Variants in EPS15L1 observed in about 807,000 individuals in gnomAD.
The protein encoded by EPS15L1 is epidermal growth factor receptor substrate 15-like 1.
A neutral mutation model predicts 117.1 loss-of-function variants in EPS15L1; 43 were observed. The observed-to-expected ratio is 0.37, with a 90% CI of 0.29 to 0.47. The LOEUF is 0.47. Ranked by LOEUF, EPS15L1 falls within the 20% of genes least tolerant of loss-of-function variation. EPS15L1 has a pLI of 0.99. For synonymous variants in EPS15L1, 459 were observed against 470.5 expected, an observed-to-expected ratio of 0.98 and a Z score of 0.32; for missense variants, 981 against 1,164.0, an observed-to-expected ratio of 0.84 and a Z score of 2.29.
intron 22 of EPS15L1, among the ~76,000 whole-genome samples, chr19:16,364,326 G>A (rs902805624): frequency 1.3e-5 from 2 of 152,174 alleles, no homozygotes; most frequent in Admixed American, 6.5e-5. Context: ...CAGCCCACGC[G>A]GGCAGGACAG....
chr19:16,403,718 G>C lies in EPS15L1; in HGVS notation c.1626+15C>G, dbSNP rs769110686. Reference sequence around the variant, plus strand: ...GGTCCCTGGCATGTGGCAGGGACCCGACTCCGTGAAGTACCTGGTTGATTT... The same window carrying C: ...GGTCCCTGGCATGTGGCAGGGACCCCACTCCGTGAAGTACCTGGTTGATTT... On this transcript the variant is annotated intron_variant, in intron 15 of 23. Transcript: ENST00000455140. 1.4e-5 allele frequency: 23 copies of C among 1,609,124 alleles called. 1 individual carries two copies. The South Asian group carries it at 2.5e-4, about 18-fold the overall frequency.
At chr19:16,403,318 C>A (rs193098124) in intron 15 of EPS15L1, among the ~76,000 whole-genome samples, 1 of 152,300 alleles carries the variant, frequency 6.6e-6, no homozygotes, top group African/African-American at 2.4e-5. Flanking sequence ...CAGGGTGGCG[C>A]CTCCTGAACA....
At chr19:16,437,904 C>A (rs1217726778) in intron 4 of EPS15L1, 39 bp from the exon 5 acceptor site, 2 of 1,502,806 alleles carry the variant, frequency 1.3e-6, no homozygotes, top group South Asian at 1.1e-5. Flanking sequence ...AACAGCATAT[C>A]GCCAGTGAGG....
chr19:16,464,670 G>A (rs543908265), intron 1 of EPS15L1, among the ~76,000 whole-genome samples: 2 of 152,234 alleles, frequency 1.3e-5, no homozygotes, highest in East Asian at 1.9e-4. Flanking sequence ...TAGACCAGGG[G>A]TGTCCAATCT....
chr19:16,416,747 C>T (rs1197912343), intron 12 of EPS15L1, among the ~76,000 whole-genome samples: 1 of 152,044 alleles, frequency 6.6e-6, no homozygotes, highest in East Asian at 1.9e-4. Context: ...CTACAGTGAG[C>T]CATGATCACA....
intron 2 of EPS15L1, 37 bp downstream of exon 2, chr19:16,442,141 C>T (rs917024437): frequency 2.5e-6 from 4 of 1,591,610 alleles, no homozygotes; most frequent in African/African-American, 2.7e-5. Flanking sequence ...CTCAGGCATG[C>T]TCTAGTTCCA....
chr19:16,402,038 C>T, intron 16 of EPS15L1: 1 of 1,173,658 alleles, frequency 8.5e-7, no homozygotes, highest in Non-Finnish European at 1.1e-6. Flanking sequence ...GGTGGTTGGC[C>T]CAATGTAAAT....
intron 3 of EPS15L1, 51 bp from the exon 4 acceptor site, chr19:16,440,960 G>T: frequency 6.3e-7 from 1 of 1,592,306 alleles, no homozygotes; most frequent in Non-Finnish European, 8.6e-7. Context: ...CACTGTCCAC[G>T]TGTTAACAAA....
rs192508043 is a variant in EPS15L1, at chr19:16,449,832, A to G, written c.34-7613T>C. 1.1e-3 allele frequency among the ~76,000 whole-genome samples: 161 copies of G among 152,356 alleles called. 2 individuals are homozygous for G. Among genetic ancestry groups the G allele is most frequent in the South Asian group, 7.2e-3 (35 of 4,834 alleles). The stretch of plus-strand genomic sequence containing the variant: ...TACTCAGCAATGAAAAGGAATGAAC[A>G]GCTGACACATATGCAATAATCTGGA... On this transcript the variant is annotated intron_variant, in intron 1 of 23. Transcript: ENST00000455140.
chr19:16,445,960 T>TG (rs1204811186), intron 1 of EPS15L1, among the ~76,000 whole-genome samples: 2 of 152,212 alleles, frequency 1.3e-5, no homozygotes, highest in African/African-American at 4.8e-5. Context: ...TTGATGAGGT[T>TG]CAGTGTAGCT....
rs536803249 is a variant in EPS15L1 at position 16,421,281 on chromosome 19, G to A, written c.950+38C>T. 3.2e-6 allele frequency: 5 copies of A among 1,576,226 alleles called. No homozygotes were observed. In the African/African-American group the frequency reaches 5.4e-5, roughly 17 times the overall value. On this transcript the variant is annotated intron_variant, in intron 10 of 23. Coordinates refer to ENST00000455140, the MANE Select transcript of EPS15L1 (RefSeq NM_001258374.3). ...AGTCTTCACCCACAGGCCCCCTGGA[G>A]CCACCCACAGCCACAACTGCCACCT... is the stretch of plus-strand genomic sequence containing the variant.
chr19:16,362,269 T>C (rs1253522788), intron 22 of EPS15L1, among the ~76,000 whole-genome samples: 1 of 152,060 alleles, frequency 6.6e-6, no homozygotes, highest in Non-Finnish European at 1.5e-5. Flanking sequence ...ATAGTTTGCA[T>C]GCAGGTACGT....
In EPS15L1 at chr19:16,437,981, G is replaced by A. The variant is rs531476000; in HGVS notation, c.214-116C>T. On this transcript the variant is annotated intron_variant, in intron 4 of 23. Coordinates refer to ENST00000455140, the MANE Select transcript of EPS15L1 (RefSeq NM_001258374.3). The stretch of plus-strand genomic sequence containing the variant: ...GATGTGCACTTCAACAATGAAGGCC[G>A]TCCGTGCAAAAACCCCTTGGAGCGT... The A allele has an allele frequency of 3.8e-4, 289 of 762,088 alleles. No individual in the cohort carries two copies. In the African/African-American group the frequency reaches 4.7e-3, roughly 12 times the overall value. 47.2% of individuals were successfully genotyped at this position (762,088 alleles called of 1,614,324 possible). A position where few individuals can be genotyped will look rare whatever the true frequency, so the allele number is the denominator to read the frequency against.
At chr19:16,424,043 G>T (rs570087311) in intron 9 of EPS15L1, among the ~76,000 whole-genome samples, 1 of 152,230 alleles carries the variant, frequency 6.6e-6, no homozygotes, top group African/African-American at 2.4e-5. Context: ...CAGCCTTGCC[G>T]TGGAGCTGGC....
At chr19:16,373,277 C>A (rs1170647513) in intron 22 of EPS15L1, among the ~76,000 whole-genome samples, 1 of 152,138 alleles carries the variant, frequency 6.6e-6, no homozygotes, top group Non-Finnish European at 1.5e-5. Context: ...ACGCTGGGAC[C>A]CACGCATCTC....
intron 1 of EPS15L1, among the ~76,000 whole-genome samples, chr19:16,458,050 T>G (rs1000145666): frequency 6.6e-5 from 10 of 152,104 alleles, no homozygotes; most frequent in Non-Finnish European, 1.2e-4. Flanking sequence ...GTCCCTGCCA[T>G]CTACTACTCC....
At chr19:16,413,401 T>C in intron 13 of EPS15L1, 1 of 713,254 alleles carries the variant, frequency 1.4e-6, no homozygotes, top group South Asian at 1.6e-5. Flanking sequence ...CTGGGCAACT[T>C]CGACAAGGCC....
At chr19:16,377,016 G>C in intron 22 of EPS15L1, 106 bp downstream of exon 22, 1 of 1,397,492 alleles carries the variant, frequency 7.2e-7, no homozygotes, top group Non-Finnish European at 9.6e-7. Context: ...CCCACACAGG[G>C]TCCCACGGCA....
In EPS15L1 at chr19:16,381,702, G is replaced by A. The variant is rs1307372563; in HGVS notation, c.2247+3427C>T. On this transcript the variant is annotated intron_variant, in intron 21 of 23. Coordinates refer to ENST00000455140, the MANE Select transcript of EPS15L1 (RefSeq NM_001258374.3). This position sits in a 1 kb window ranked among gnomAD's most constrained non-coding sequence, Gnocchi z 4.2. Reference sequence around the variant, plus strand: ...TGTCCGAGACATGAGGGGCAGTGTCGGCCTGCAGCTTAGCTTTAAAATGGG... The same window carrying A: ...TGTCCGAGACATGAGGGGCAGTGTCAGCCTGCAGCTTAGCTTTAAAATGGG... Among the ~76,000 whole-genome samples the A allele has an allele frequency of 6.6e-6, 1 of 152,168 alleles. No homozygotes were observed. Among genetic ancestry groups the A allele is most frequent in the Admixed American group, 6.5e-5 (1 of 15,274 alleles).
Sources: allele counts gnomAD v4.1 joint callset (sites outside exome capture counted in the v4.1 genomes callset), GRCh38; gene constraint gnomAD v4.1.1; non-coding constraint Gnocchi (gnomAD v3.1); transcripts MANE v1.5; gene names NCBI Gene and HGNC (gene_info 2026-07-23, HGNC 2026-07-21).